The following RBCK1 variants were observed in gnomAD, a reference collection of about 807,000 sequenced individuals.
The protein encoded by RBCK1 is ranBP-type and C3HC4-type zinc finger-containing protein 1.
A neutral mutation model predicts 71.1 loss-of-function variants in RBCK1; 44 were observed. That is an observed-to-expected ratio of 0.62 (90% CI 0.49 to 0.80). RBCK1 has a LOEUF of 0.80. Among genes scored for constraint, RBCK1 ranks in the 30% least tolerant of loss-of-function variants. The pLI is 0.00. For missense variants in RBCK1, 569 were observed against 685.0 expected (o/e 0.83, Z 1.89); for synonymous variants, 306 against 279.7 (o/e 1.09, Z -0.94).
rs1197076502 is a variant in RBCK1 at position 417,388 on chromosome 20, CTG to C, written c.168-137_168-136del. The C allele has an allele frequency of 1.2e-6, 1 of 822,914 alleles. No individual in the cohort carries two copies. The highest frequency in any genetic ancestry group is 1.9e-5 in the Admixed American group (1 of 53,444). The allele number at this position is 822,914 out of a possible 1,614,324, so 51.0% of individuals were successfully genotyped here. On this transcript the variant is annotated intron_variant, in intron 2 of 11. Transcript: ENST00000356286. The surrounding 1 kb of genome is among the most constrained non-coding windows in gnomAD (Gnocchi z 4.7). ...AAGCATGGGTGGGGCCTACCCCAGA[CTG>C]GGGTTTGTGTGTGTGTGTGTGTGTG...
At position 420,855 on chromosome 20, in the gene RBCK1, C is replaced by G; in HGVS notation, c.757-16C>G. On this transcript the variant is annotated splice_polypyrimidine_tract_variant and intron_variant, in intron 6 of 11. Coordinates refer to ENST00000356286, the MANE Select transcript of RBCK1 (RefSeq NM_031229.4). ...GAGGCCCTGACCCGCCCCGTGGCCC[C>G]GCCCCGTGTGCCCAGCGGAAGCAGC... The G allele has an allele frequency of 6.5e-7, 1 of 1,546,236 alleles. No individual in the cohort carries two copies. Among genetic ancestry groups the G allele is most frequent in the Non-Finnish European group, 8.7e-7 (1 of 1,147,704 alleles).
intron 4 of RBCK1, among the ~76,000 whole-genome samples, chr20:418,600 C>T (rs951227077): frequency 1.3e-5 from 2 of 152,088 alleles, no homozygotes; most frequent in Non-Finnish European, 2.9e-5. Flanking sequence ...GATCTCCTGA[C>T]TTTGTGATCC....
intron 4 of RBCK1, among the ~76,000 whole-genome samples, chr20:418,340 T>G (rs2016118638): frequency 6.6e-6 from 1 of 152,178 alleles, no homozygotes; most frequent in South Asian, 2.1e-4. Context: ...AGAATTCCCA[T>G]GTACCTTTCA....
At chr20:420,378 C>T in intron 6 of RBCK1, 1 of 984,888 alleles carries the variant, frequency 1.0e-6, no homozygotes, top group African/African-American at 1.7e-5. Context: ...ACCTGCATTC[C>T]CCTTGGACCC....
At chr20:425,498 TGTTA>T (rs1375823686) in intron 8 of RBCK1, among the ~76,000 whole-genome samples, 1 of 152,252 alleles carries the variant, frequency 6.6e-6, no homozygotes, top group Non-Finnish European at 1.5e-5. Flanking sequence ...CTTTAGCTTT[TGTTA>T]TTTTGCTATA....
At chr20:411,566 G>A (rs1410228263) in intron 2 of RBCK1, among the ~76,000 whole-genome samples, 2 of 151,838 alleles carry the variant, frequency 1.3e-5, no homozygotes, top group East Asian at 1.9e-4. Context: ...ACGGGGTTTC[G>A]CCGTGTTAAC....
intron 6 of RBCK1, chr20:420,519 A>G (rs2016325614): frequency 1.0e-6 from 1 of 983,166 alleles, no homozygotes; most frequent in Non-Finnish European, 1.2e-6. Flanking sequence ...CTCACCACTC[A>G]GACCCCGGCC....
intron 2 of RBCK1, among the ~76,000 whole-genome samples, chr20:413,500 T>G (rs1335002180): frequency 6.6e-6 from 1 of 152,240 alleles, no homozygotes; most frequent in Non-Finnish European, 1.5e-5. Context: ...TTCCTTTTCC[T>G]TACTTTTTTT....
In RBCK1 at chr20:417,517, T is replaced by C; in HGVS notation, c.168-9T>C. The C allele has an allele frequency of 1.2e-6, 2 of 1,612,172 alleles. No individual in the cohort carries two copies. The highest frequency in any genetic ancestry group is 1.7e-6 in the Non-Finnish European group (2 of 1,179,356). ...AGAGCCCATGCTGAGCCCCTGCTGT[T>C]CTCTGCAGGCTGTGGGTGAGCGTGG... On this transcript the variant is annotated splice_polypyrimidine_tract_variant and intron_variant, in intron 2 of 11. Transcript: ENST00000356286. The surrounding 1 kb of genome is among the most constrained non-coding windows in gnomAD (Gnocchi z 4.7).
In RBCK1 at chr20:422,771, G is replaced by A. The variant is rs1568561951; in HGVS notation, c.1029+533G>A. ...TTGCTTGAGCCTAGGAAGTAAGGTTGCAGTGAGCTGTGATTGTGCCACTGC... is the reference window on the plus strand; with the variant it reads ...TTGCTTGAGCCTAGGAAGTAAGGTTACAGTGAGCTGTGATTGTGCCACTGC... On this transcript the variant is annotated intron_variant, in intron 8 of 11. Coordinates refer to ENST00000356286, the MANE Select transcript of RBCK1 (RefSeq NM_031229.4). This position sits in a 1 kb window ranked among gnomAD's most constrained non-coding sequence, Gnocchi z 5.0. 6.6e-6 allele frequency among the ~76,000 whole-genome samples: 1 copy of A among 152,100 alleles called. No individual in the cohort carries two copies. Among genetic ancestry groups the A allele is most frequent in the Admixed American group, 6.5e-5 (1 of 15,268 alleles).
chr20:417,287 G>A lies in RBCK1; in HGVS notation c.168-239G>A, dbSNP rs1038634807. The A allele has an allele frequency of 1.4e-6, 1 of 697,976 alleles. No individual in the cohort carries two copies. The highest frequency in any genetic ancestry group is 2.9e-5 in the East Asian group (1 of 34,972). The allele number at this position is 697,976 out of a possible 1,614,324, so 43.2% of individuals were successfully genotyped here. On this transcript the variant is annotated intron_variant, in intron 2 of 11. Coordinates refer to ENST00000356286, the MANE Select transcript of RBCK1 (RefSeq NM_031229.4). This position sits in a 1 kb window ranked among gnomAD's most constrained non-coding sequence, Gnocchi z 4.7. The stretch of plus-strand genomic sequence containing the variant: ...GGTGCCAGATCATGGAGGCCCTCGT[G>A]TGCTGCCACGAGTTGATTCTAAGAG...
rs184512324 is a variant in RBCK1 at position 431,586 on chromosome 20, G to A, written c.*1156G>A. Among the ~76,000 whole-genome samples, 1 of 152,140 alleles carries A rather than the reference G, an allele frequency of 6.6e-6. No individual in the cohort carries two copies. The highest frequency in any genetic ancestry group is 2.1e-4 in the South Asian group (1 of 4,834). ...ACCATCATCATAGCAGGCAGAGGGC[G>A]CCTCTGCTGCTGAAGGCCTGTGATT... On this transcript the variant is annotated 3_prime_UTR_variant, in exon 12 of 12. Transcript: ENST00000356286. This position sits in a 1 kb window ranked among gnomAD's most constrained non-coding sequence, Gnocchi z 4.8.
At chr20:414,636 G>A (rs2015889402) in intron 2 of RBCK1, among the ~76,000 whole-genome samples, 1 of 152,072 alleles carries the variant, frequency 6.6e-6, no homozygotes, top group Admixed American at 6.6e-5. Flanking sequence ...ACATAATTAA[G>A]GCCTTTATGC....
Position 428,492 on chromosome 20 carries a change from C to G in RBCK1, c.1211C>G (p.Ala404Gly). ...CCTTGAGTCCCTCACCCGCTACAGG[C>G]CATCCATGAGCAGATGAACTGCAAG... ...CFHVNCLLCK[A>G]IHEQMNCKEY... is the part of the protein sequence containing the mutation. The change falls in exon 10 of 12, where the codon GCC (alanine) becomes GGC (glycine). Residue 404 changes from alanine (A) to glycine (G), a missense_variant and splice_region_variant. By Grantham distance (60) the Ala-to-Gly change is moderately conservative. Around this residue, in one of 2 missense-constraint regions of RBCK1, gnomAD observed 211 missense variants for 309.4 expected, o/e 0.68. Coordinates refer to ENST00000356286, the MANE Select transcript of RBCK1 (RefSeq NM_031229.4). This position sits in a 1 kb window ranked among gnomAD's most constrained non-coding sequence, Gnocchi z 5.7. 6.2e-7 allele frequency: 1 copy of G among 1,603,216 alleles called. No individual in the cohort carries two copies. The highest frequency in any genetic ancestry group is 8.5e-7 in the Non-Finnish European group (1 of 1,175,128).
chr20:420,527 GC>G (rs2016326579), intron 6 of RBCK1: 1 of 983,118 alleles, frequency 1.0e-6, no homozygotes, highest in Admixed American at 6.2e-5. Context: ...TCAGACCCCG[GC>G]CCCCTTCCTT....
chr20:418,585 G>A (rs1042754752), intron 4 of RBCK1, among the ~76,000 whole-genome samples: 11 of 152,042 alleles, frequency 7.2e-5, no homozygotes, highest in Non-Finnish European at 1.3e-4. Context: ...AGCCAGGATG[G>A]TCTCGATCTC....
intron 4 of RBCK1, among the ~76,000 whole-genome samples, chr20:418,570 G>T (rs527646483): frequency 4.6e-5 from 7 of 151,986 alleles, no homozygotes; most frequent in South Asian, 2.1e-4. Context: ...GGGTTTCACC[G>T]TGTTAGCCAG....
rs2016949921 is a variant in RBCK1 at position 430,283 on chromosome 20, A to C, written c.1453-67A>C. The C allele has an allele frequency of 1.1e-5, 16 of 1,404,538 alleles. No individual in the cohort carries two copies. The highest frequency in any genetic ancestry group is 1.5e-5 in the Non-Finnish European group (15 of 996,336). 87.0% of individuals were successfully genotyped at this position (1,404,538 alleles called of 1,614,324 possible). The stretch of plus-strand genomic sequence containing the variant: ...CAGAGGCAAAGGCCCGGGGTGGGAG[A>C]GCGCTCGGCTGTGGGGGCAGTCTCT... On this transcript the variant is annotated intron_variant, in intron 11 of 11. Transcript: ENST00000356286. This position sits in a 1 kb window ranked among gnomAD's most constrained non-coding sequence, Gnocchi z 5.6.
rs1366497029 is a variant in RBCK1, at chr20:422,848, A to T, written c.1029+610A>T. Among the ~76,000 whole-genome samples, 2 of 151,840 alleles carry T rather than the reference A, an allele frequency of 1.3e-5. No individual in the cohort carries two copies. The highest frequency in any genetic ancestry group is 3.9e-4 in the East Asian group (2 of 5,152). On this transcript the variant is annotated intron_variant, in intron 8 of 11. Coordinates refer to ENST00000356286, the MANE Select transcript of RBCK1 (RefSeq NM_031229.4). The surrounding 1 kb of genome is among the most constrained non-coding windows in gnomAD (Gnocchi z 5.0). Reference sequence around the variant, plus strand: ...CCTTGCCTCAAAAAAAGAAAAAAAAAATTAGTCAGGGAACTCTGGAGCCTG... The same window carrying T: ...CCTTGCCTCAAAAAAAGAAAAAAAATATTAGTCAGGGAACTCTGGAGCCTG...
Sources: allele counts gnomAD v4.1 joint callset (sites outside exome capture counted in the v4.1 genomes callset), GRCh38; gene constraint gnomAD v4.1.1; regional missense constraint gnomAD v4.1.1; non-coding constraint Gnocchi (gnomAD v3.1); transcripts MANE v1.5; gene names NCBI Gene and HGNC (gene_info 2026-07-23, HGNC 2026-07-21).